Variants in CTNND2 observed in about 807,000 individuals in gnomAD.
CTNND2 encodes catenin delta 2.
CTNND2 carries 22 observed loss-of-function variants against 144.4 expected under a neutral mutation model. The ratio of observed to expected loss-of-function variants is 0.15; its 90% CI spans 0.11 to 0.22. The LOEUF (loss-of-function observed/expected upper bound fraction) is 0.22. Among genes scored for constraint, CTNND2 ranks in the 10% least tolerant of loss-of-function variants. The pLI, the probability that CTNND2 is intolerant of heterozygous loss-of-function variation, is 1.00. For synonymous variants in CTNND2, 751 were observed against 695.6 expected, an observed-to-expected ratio of 1.08 and a Z score of -1.25; for missense variants, 1,353 against 1,618.8, an observed-to-expected ratio of 0.84 and a Z score of 2.82.
intron 16 of CTNND2, among the ~76,000 whole-genome samples, chr5:11,072,550 A>C (rs1310399996): frequency 6.6e-6 from 1 of 152,268 alleles, no homozygotes; most frequent in Non-Finnish European, 1.5e-5. Flanking sequence ...TATGAGAGAA[A>C]CAATGTCCGA....
chr5:11,228,159 T>C (rs773291890), intron 10 of CTNND2, among the ~76,000 whole-genome samples: 37 of 151,784 alleles, frequency 2.4e-4, no homozygotes, highest in Non-Finnish European at 4.3e-4. Context: ...CTGGCCAACA[T>C]GGTGAAAACC....
At chr5:11,561,423 C>G (rs1776674608) in intron 3 of CTNND2, among the ~76,000 whole-genome samples, 1 of 152,140 alleles carries the variant, frequency 6.6e-6, no homozygotes, top group African/African-American at 2.4e-5. Flanking sequence ...TAAAAAGCAC[C>G]AATAACTTCT....
intron 16 of CTNND2, among the ~76,000 whole-genome samples, chr5:11,044,768 C>T (rs1745060439): frequency 6.6e-6 from 1 of 152,236 alleles, no homozygotes; most frequent in African/African-American, 2.4e-5. Flanking sequence ...TGGTGGTGCT[C>T]AAAGGAAACT....
intron 17 of CTNND2, among the ~76,000 whole-genome samples, chr5:11,020,831 C>CCCTAACCCTAACCCTAACCCTA: frequency 3.9e-5 from 6 of 152,090 alleles, no homozygotes; most frequent in African/African-American, 1.5e-4. Flanking sequence ...TCCAATTTAA[C>CCCTAACCCTAACCCTAACCCTA]ACTTCTTATT....
At chr5:11,324,239 C>A (rs1325889156) in intron 9 of CTNND2, among the ~76,000 whole-genome samples, 1 of 152,098 alleles carries the variant, frequency 6.6e-6, no homozygotes, top group Non-Finnish European at 1.5e-5. Context: ...TGTTTATATG[C>A]CAAGCAGCAA....
intron 15 of CTNND2, among the ~76,000 whole-genome samples, chr5:11,087,014 A>C (rs1012147913): frequency 6.6e-6 from 1 of 152,230 alleles, no homozygotes; most frequent in African/African-American, 2.4e-5. Context: ...ATAATTCTCT[A>C]TATTCTAAAA....
intron 7 of CTNND2, among the ~76,000 whole-genome samples, chr5:11,376,382 C>T (rs1305135530): frequency 2.1e-5 from 3 of 143,360 alleles, no homozygotes; most frequent in Non-Finnish European, 4.5e-5. Flanking sequence ...ATACTGACTT[C>T]CCCTTTCTAC....
Position 11,385,177 on chromosome 5 carries a change from G to A in CTNND2, c.665C>T (p.Pro222Leu). Residue 222 changes from proline (P) to leucine (L), a missense_variant, in exon 7 of 22, where the codon CCG becomes CTG. By Grantham distance (98) the Pro-to-Leu change is moderately conservative (BLOSUM62 -3). Coordinates refer to ENST00000304623, the MANE Select transcript of CTNND2 (RefSeq NM_001332.4). ...HLAGPEPAPPPPPPPREPFAP... is the reference protein window; with the variant it reads ...HLAGPEPAPPLPPPPREPFAP... ...GAACGGCTCCCGCGGCGGCGGCGGC[G>A]GCGGCGGCGCGGGCTCGGGCCCCGC... The A allele has an allele frequency of 2.9e-6, 3 of 1,040,256 alleles. No homozygotes were observed. Among genetic ancestry groups the A allele is most frequent in the Non-Finnish European group, 2.3e-6 (2 of 867,788 alleles). The allele number at this position is 1,040,256 out of a possible 1,614,324, so 64.4% of individuals were successfully genotyped here. A position where few individuals can be genotyped will look rare whatever the true frequency, so the allele number is the denominator to read the frequency against.
intron 10 of CTNND2, among the ~76,000 whole-genome samples, chr5:11,227,818 T>C (rs1415928509): frequency 6.6e-6 from 1 of 152,296 alleles, no homozygotes; most frequent in East Asian, 1.9e-4. Flanking sequence ...AACTATCTAG[T>C]CTAGACACAC....
At chr5:11,113,143 A>G (rs1270837694) in intron 13 of CTNND2, among the ~76,000 whole-genome samples, 1 of 152,208 alleles carries the variant, frequency 6.6e-6, no homozygotes, top group Non-Finnish European at 1.5e-5. Context: ...TCCATCTCAA[A>G]AAGAAAAACA....
chr5:11,677,077 T>G (rs1307366149), intron 2 of CTNND2, among the ~76,000 whole-genome samples: 1 of 152,190 alleles, frequency 6.6e-6, no homozygotes. Flanking sequence ...GAACTTAAAT[T>G]TGGCCTAATT....
At chr5:11,164,602 C>T (rs1485483469) in intron 11 of CTNND2, among the ~76,000 whole-genome samples, 1 of 152,140 alleles carries the variant, frequency 6.6e-6, no homozygotes, top group Non-Finnish European at 1.5e-5. Context: ...GCCAAAATGG[C>T]CTGTTTCTTC....
At chr5:11,132,565 G>A (rs532524497) in intron 12 of CTNND2, among the ~76,000 whole-genome samples, 21 of 152,250 alleles carry the variant, frequency 1.4e-4, no homozygotes, top group African/African-American at 5.1e-4. Flanking sequence ...CAACCGTGAA[G>A]GCACCCTGAT....
chr5:11,633,394 G>GA (rs1279342221), intron 2 of CTNND2, among the ~76,000 whole-genome samples: 7 of 152,194 alleles, frequency 4.6e-5, no homozygotes, highest in East Asian at 1.9e-4. Flanking sequence ...ATTAGATGAA[G>GA]AAAAAATGAG....
At position 11,903,718 on chromosome 5, in the gene CTNND2, G is replaced by A. The variant is rs974096710; in HGVS notation, c.37+99C>T. 4.4e-5 allele frequency: 55 copies of A among 1,240,092 alleles called. No individual in the cohort carries two copies. The highest frequency in any genetic ancestry group is 5.6e-5 in the Non-Finnish European group (53 of 948,754). The allele number at this position is 1,240,092 out of a possible 1,614,324, so 76.8% of individuals were successfully genotyped here. On this transcript the variant is annotated intron_variant, in intron 1 of 21. Transcript: ENST00000304623. This position sits in a 1 kb window ranked among gnomAD's most constrained non-coding sequence, Gnocchi z 5.4. ...GCAGCAGCCGCCGCCGCCGCCTGCC[G>A]GCCGGGAGCCCAGGACCACCCCCAC...
intron 5 of CTNND2, among the ~76,000 whole-genome samples, chr5:11,409,891 T>C (rs1026952459): frequency 6.6e-6 from 1 of 152,134 alleles, no homozygotes; most frequent in Non-Finnish European, 1.5e-5. Flanking sequence ...TAGATTGATA[T>C]ACCTATATTT....
chr5:11,842,863 T>C lies in CTNND2; in HGVS notation c.37+60954A>G, dbSNP rs1794543648. Among the ~76,000 whole-genome samples, 3 of 152,240 alleles carry C rather than the reference T, an allele frequency of 2.0e-5. No individual in the cohort carries two copies. The South Asian group carries it at 6.2e-4, about 31-fold the overall frequency. On this transcript the variant is annotated intron_variant, in intron 1 of 21. Coordinates refer to ENST00000304623, the MANE Select transcript of CTNND2 (RefSeq NM_001332.4). ...TATTTGCATTTTTTCATGTGGCTAC[T>C]AGAAATTTAAACTTGCTTATGTGGC...
chr5:11,500,020 G>C (rs748929551), intron 3 of CTNND2, among the ~76,000 whole-genome samples: 48 of 152,206 alleles, frequency 3.2e-4, no homozygotes, highest in Non-Finnish European at 5.7e-4. Flanking sequence ...TATAAAAAGG[G>C]AGTGAGGGCC....
chr5:11,444,414 T>C (rs1764620018), intron 3 of CTNND2, among the ~76,000 whole-genome samples: 1 of 152,202 alleles, frequency 6.6e-6, no homozygotes, highest in South Asian at 2.1e-4. Flanking sequence ...AATCTGGTCA[T>C]TCAAATGCTC....
Sources: allele counts gnomAD v4.1 joint callset (sites outside exome capture counted in the v4.1 genomes callset), GRCh38; gene constraint gnomAD v4.1.1; non-coding constraint Gnocchi (gnomAD v3.1); transcripts MANE v1.5; gene names NCBI Gene and HGNC (gene_info 2026-07-23, HGNC 2026-07-21).